The following LSR variants were observed in gnomAD, a reference collection of about 807,000 sequenced individuals.
The protein encoded by LSR is lipolysis-stimulated lipoprotein receptor.
In LSR, 44 loss-of-function variants were observed where a neutral mutation model predicts 61.8. The observed-to-expected ratio is 0.71, with a 90% CI of 0.56 to 0.91. The LOEUF (loss-of-function observed/expected upper bound fraction) is 0.91, where lower values mean the gene tolerates loss of function less well. Ranked by LOEUF, LSR falls within the 40% of genes least tolerant of loss-of-function variation. The pLI is 0.00. For missense variants in LSR, 911 were observed against 830.5 expected, an observed-to-expected ratio of 1.10 and a Z score of -1.19; for synonymous variants, 397 against 350.6, an observed-to-expected ratio of 1.13 and a Z score of -1.48.
intron 5 of LSR, chr19:35,264,504 G>GCAT (rs1201018010): frequency 6.6e-6 from 1 of 152,240 alleles, no homozygotes; most frequent in Non-Finnish European, 1.5e-5. Flanking sequence ...GGACACTTCA[G>GCAT]CATCCCTCTA....
In LSR at chr19:35,267,403, G is replaced by A. The variant is rs200597319; in HGVS notation, c.1439G>A (p.Ser480Asn). The A allele has an allele frequency of 2.9e-5, 46 of 1,608,254 alleles. No homozygotes were observed. The Admixed American group carries it at 3.4e-4, about 12-fold the overall frequency. ...GRSRAYMPPR[S>N]RSRDDLYDQD... ...AGCCGGGCCTACATGCCCCCGCGGA[G>A]CCGCAGCCGGGACGACCTCTATGAC... The change falls in exon 9 of 10, where the codon AGC (serine) becomes AAC (asparagine). Residue 480 changes from serine (S) to asparagine (N), a missense_variant. Ser to Asn is a conservative substitution (Grantham distance 46, BLOSUM62 1). Coordinates refer to ENST00000605618, the MANE Select transcript of LSR (RefSeq NM_205834.4).
rs781493424 is a variant in LSR at position 35,267,367 on chromosome 19, ATGG to A, written c.1407_1409del (p.Gly470del). ...TCAGGGAGCAGGTCTCCCACGAGTAATGGTGGGAGAAGCCGGGCCTACATGCCC... is the reference window on the plus strand; with the variant it reads ...TCAGGGAGCAGGTCTCCCACGAGTAATGGGAGAAGCCGGGCCTACATGCCC... On this transcript the variant is annotated inframe_deletion, in exon 9 of 10. Transcript: ENST00000605618. 12 of 1,380,400 alleles carry A rather than the reference ATGG, an allele frequency of 8.7e-6. No individual in the cohort carries two copies. The South Asian group carries it at 1.8e-4, about 21-fold the overall frequency. The allele number at this position is 1,380,400 out of a possible 1,614,324, so 85.5% of individuals were successfully genotyped here. A position where few individuals can be genotyped will look rare whatever the true frequency, so the allele number is the denominator to read the frequency against.
At chr19:35,261,792 G>A (rs1568445445) in intron 3 of LSR, 133 bp from the exon 4 acceptor site, 1 of 525,562 alleles carries the variant, frequency 1.9e-6, no homozygotes, top group Non-Finnish European at 3.3e-6. Context: ...CCATGCACTA[G>A]GGCTTCAGCC....
At chr19:35,250,252 G>A (rs1044349389) in intron 1 of LSR, 63 bp from the exon 2 acceptor site, 41 of 1,116,648 alleles carry the variant, frequency 3.7e-5, no homozygotes, top group Middle Eastern at 2.1e-4. Context: ...GACAGGTGGC[G>A]TTCCTGTTGA....
chr19:35,253,378 G>A (rs924040852), intron 2 of LSR: 2 of 152,408 alleles, frequency 1.3e-5, no homozygotes, highest in African/African-American at 4.8e-5. Flanking sequence ...GACTTGGGCT[G>A]TGAATATGAT....
At chr19:35,251,315 A>C (rs2065790597) in intron 2 of LSR, 1 of 152,232 alleles carries the variant, frequency 6.6e-6, no homozygotes. Context: ...AAACTGGGTA[A>C]CGGAGAGAAG....
Position 35,262,689 on chromosome 19 carries a change from G to A in LSR, c.775G>A (p.Ala259Thr). 4 of 1,613,292 alleles carry A rather than the reference G, an allele frequency of 2.5e-6. No homozygotes were observed. The highest frequency in any genetic ancestry group is 3.4e-6 in the Non-Finnish European group (4 of 1,179,766). ...CCPDKCCCPEALYAAGKAATS... is the reference protein window; with the variant it reads ...CCPDKCCCPETLYAAGKAATS... ...CCCAGACAAGTGCTGCTGCCCCGAG[G>A]CCCGTAAGTGTCCCGCTCATGGCCA... Residue 259 changes from alanine (A) to threonine (T), a missense_variant, in exon 5 of 10, where the codon GCC becomes ACC. Coordinates refer to ENST00000605618, the MANE Select transcript of LSR (RefSeq NM_205834.4).
intron 1 of LSR, among the ~76,000 whole-genome samples, 177 bp from the exon 2 acceptor site, chr19:35,250,138 T>C (rs2065771622): frequency 6.6e-6 from 1 of 152,102 alleles, no homozygotes; most frequent in Admixed American, 6.5e-5. Context: ...CACGGGTCTA[T>C]AAAATGGGCA....
chr19:35,265,362 C>T (rs2065983521), intron 5 of LSR, among the ~76,000 whole-genome samples: 1 of 152,228 alleles, frequency 6.6e-6, no homozygotes, highest in Non-Finnish European at 1.5e-5. Flanking sequence ...GCCCCATTAA[C>T]TCCCTGGCAG....
chr19:35,257,098 A>G (rs986782521), intron 2 of LSR, among the ~76,000 whole-genome samples: 8 of 152,138 alleles, frequency 5.3e-5, no homozygotes, highest in African/African-American at 1.9e-4. Context: ...TCAGCCTCCC[A>G]AAGTGTTAGG....
rs756146384 is a variant in LSR at position 35,267,466 on chromosome 19, C to T, written c.1502C>T (p.Pro501Leu). The change falls in exon 9 of 10, where the codon CCC (proline) becomes CTC (leucine). Residue 501 changes from proline (P) to leucine (L), a missense_variant. Pro to Leu is a moderately conservative substitution (Grantham distance 98). Transcript: ENST00000605618. The part of the protein sequence containing the change: ...DSRDFPRSRD[P>L]HYDDFRSRER... Reference sequence around the variant, plus strand: ...AGGGACTTCCCACGCTCCCGGGACCCCCACTACGACGACTTCAGGTCTCGG... The same window carrying T: ...AGGGACTTCCCACGCTCCCGGGACCTCCACTACGACGACTTCAGGTCTCGG... 6.2e-7 allele frequency: 1 copy of T among 1,610,940 alleles called. No homozygotes were observed. Among genetic ancestry groups the T allele is most frequent in the Non-Finnish European group, 8.5e-7 (1 of 1,179,478 alleles).
chr19:35,249,236 G>T, intron 1 of LSR, 105 bp downstream of exon 1: 3 of 1,354,242 alleles, frequency 2.2e-6, no homozygotes, highest in African/African-American at 1.5e-5. Context: ...GGTCTCAGAG[G>T]CTGGGACCTT....
intron 4 of LSR, 68 bp downstream of exon 4, chr19:35,262,049 T>C: frequency 1.5e-5 from 21 of 1,366,998 alleles, no homozygotes; most frequent in Non-Finnish European, 2.0e-5. Context: ...CTTCTGACTC[T>C]AGTTAGTATC....
chr19:35,251,521 C>A (rs953412295), intron 2 of LSR: 1 of 152,172 alleles, frequency 6.6e-6, no homozygotes, highest in Non-Finnish European at 1.5e-5. Flanking sequence ...AGTGACTTGC[C>A]TAGTGTCATA....
intron 3 of LSR, 164 bp downstream of exon 3, chr19:35,259,228 C>G (rs900952268): frequency 1.2e-6 from 1 of 845,384 alleles, no homozygotes; most frequent in Non-Finnish European, 1.7e-6. Context: ...TCCCCTGTGC[C>G]CTGCACCCCA....
intron 3 of LSR, among the ~76,000 whole-genome samples, chr19:35,260,725 G>A (rs1303051861): frequency 6.6e-6 from 1 of 152,082 alleles, no homozygotes; most frequent in South Asian, 2.1e-4. Context: ...TTCTTGGGAG[G>A]CTGAGGCAGG....
At chr19:35,257,823 C>G (rs1414784750) in intron 2 of LSR, among the ~76,000 whole-genome samples, 1 of 152,180 alleles carries the variant, frequency 6.6e-6, no homozygotes, top group East Asian at 1.9e-4. Context: ...CAGGATGTGC[C>G]AAAACACTTT....
chr19:35,251,486 A>G (rs962985318), intron 2 of LSR: 3 of 152,252 alleles, frequency 2.0e-5, no homozygotes, highest in Non-Finnish European at 4.4e-5. Context: ...TATCATTGTC[A>G]TCTTACAGAG....
At position 35,267,873 on chromosome 19, in the gene LSR, A is replaced by G. The variant is rs757734460; in HGVS notation, c.*14A>G. 1.9e-6 allele frequency: 3 copies of G among 1,605,726 alleles called. No homozygotes were observed. The highest frequency in any genetic ancestry group is 4.5e-5 in the East Asian group (2 of 44,806). ...TTAGTCGTCTGATCTGACGTTTTCT[A>G]CGTAGCTTTTGTATTTTTTTTTTTA... On this transcript the variant is annotated 3_prime_UTR_variant, in exon 10 of 10. Coordinates refer to ENST00000605618, the MANE Select transcript of LSR (RefSeq NM_205834.4).
Sources: allele counts gnomAD v4.1 joint callset (sites outside exome capture counted in the v4.1 genomes callset), GRCh38; gene constraint gnomAD v4.1.1; transcripts MANE v1.5; gene names NCBI Gene and HGNC (gene_info 2026-07-23, HGNC 2026-07-21).